Variants in SPTBN1 observed in about 807,000 individuals in gnomAD.
SPTBN1 encodes the protein spectrin beta chain, non-erythrocytic 1.
Under a neutral mutation model 266.4 loss-of-function variants are expected in SPTBN1, and 32 were observed. That is an observed-to-expected ratio of 0.12 (90% CI 0.09 to 0.16). The LOEUF is 0.16. SPTBN1 is among the 10% of genes least tolerant of loss of function. The pLI is 1.00. For synonymous variants in SPTBN1, 1,336 were observed against 1,162.2 expected (o/e 1.15, Z -3.04); for missense variants, 2,296 against 3,067.1 (o/e 0.75, Z 5.94).
chr2:54,570,526 T>G lies in SPTBN1; in HGVS notation c.149-28566T>G, dbSNP rs146264472. ...AAGGAAATTACATAGGTGGTATCTT[T>G]ATTTGGCTGAATCCCCCTCCCTCCA... On this transcript the variant is annotated intron_variant, in intron 2 of 35. Coordinates refer to ENST00000356805, the MANE Select transcript of SPTBN1 (RefSeq NM_003128.3). Among the ~76,000 whole-genome samples the G allele has an allele frequency of 2.0e-3, 305 of 152,308 alleles. 2 individuals are homozygous for G. The highest frequency in any genetic ancestry group is 6.9e-3 in the African/African-American group (286 of 41,564).
chr2:54,622,593 C>T (rs1678068734), intron 9 of SPTBN1, 106 bp downstream of exon 9: 5 of 1,307,928 alleles, frequency 3.8e-6, no homozygotes, highest in Admixed American at 4.2e-5. Context: ...AACTGAATGC[C>T]TTTCAGTAGT....
intron 17 of SPTBN1, among the ~76,000 whole-genome samples, chr2:54,634,775 A>C (rs921932797): frequency 1.3e-5 from 2 of 152,212 alleles, no homozygotes; most frequent in African/African-American, 4.8e-5. Flanking sequence ...ACGTTCAGGA[A>C]GTTTCCTGAG....
chr2:54,657,285 C>T (rs374098952), intron 29 of SPTBN1, among the ~76,000 whole-genome samples: 11 of 152,314 alleles, frequency 7.2e-5, no homozygotes, highest in South Asian at 4.1e-4. Flanking sequence ...ACACAACTAC[C>T]GCCCAAAAGA....
chr2:54,517,958 T>C (rs1377528954), intron 1 of SPTBN1, among the ~76,000 whole-genome samples: 1 of 152,074 alleles, frequency 6.6e-6, no homozygotes, highest in African/African-American at 2.4e-5. Context: ...TTTTTTTTTT[T>C]TTTAAACAGT....
intron 17 of SPTBN1, among the ~76,000 whole-genome samples, chr2:54,634,956 A>G (rs1171033283): frequency 6.6e-6 from 1 of 152,236 alleles, no homozygotes; most frequent in Non-Finnish European, 1.5e-5. Context: ...GCCACAGCAC[A>G]GTTCATGGGG....
At chr2:54,466,066 C>T (rs559144544) in intron 1 of SPTBN1, among the ~76,000 whole-genome samples, 4 of 152,264 alleles carry the variant, frequency 2.6e-5, no homozygotes, top group African/African-American at 4.8e-5. Flanking sequence ...AGGAGTCATA[C>T]GTCCATTCTT....
At chr2:54,641,622 A>G (rs1679565744) in intron 18 of SPTBN1, among the ~76,000 whole-genome samples, 1 of 152,144 alleles carries the variant, frequency 6.6e-6, no homozygotes, top group Admixed American at 6.5e-5. Context: ...TCCCTCAACA[A>G]AGAGTGAAAT....
chr2:54,666,433 T>G (rs1200890992), intron 34 of SPTBN1, among the ~76,000 whole-genome samples: 3 of 152,242 alleles, frequency 2.0e-5, no homozygotes, highest in African/African-American at 7.2e-5. Flanking sequence ...CCCCATCTTT[T>G]CAGCTTATCC....
chr2:54,582,581 G>T lies in SPTBN1; in HGVS notation c.149-16511G>T, dbSNP rs931132273. ...TCCGTCTCAAAAAAAAAAAAAAAAA[G>T]AAATATGGAGGATTCTTTCTGATGA... On this transcript the variant is annotated intron_variant, in intron 2 of 35. Transcript: ENST00000356805. 4.4e-4 allele frequency among the ~76,000 whole-genome samples: 64 copies of T among 147,068 alleles called. 1 individual carries two copies. The highest frequency in any genetic ancestry group is 1.7e-3 in the Admixed American group (26 of 14,874).
chr2:54,547,169 T>A (rs1480297315), intron 2 of SPTBN1, among the ~76,000 whole-genome samples: 1 of 152,202 alleles, frequency 6.6e-6, no homozygotes, highest in African/African-American at 2.4e-5. Flanking sequence ...TACTTTCTCT[T>A]TCCATGAGTT....
In SPTBN1 at chr2:54,465,139, T is replaced by C. The variant is rs72913026; in HGVS notation, c.-48+8621T>C. On this transcript the variant is annotated intron_variant, in intron 1 of 35. Coordinates refer to ENST00000356805, the MANE Select transcript of SPTBN1 (RefSeq NM_003128.3). The stretch of plus-strand genomic sequence containing the variant: ...CCAGCGATTGTTATATCTGTCCTTC[T>C]TTGCAGTTTTCTAAGAGCAATGATA... Among the ~76,000 whole-genome samples, 324 of 152,340 alleles carry C rather than the reference T, an allele frequency of 2.1e-3. 1 individual carries two copies. Among genetic ancestry groups the C allele is most frequent in the African/African-American group, 7.6e-3 (317 of 41,578 alleles).
At position 54,492,857 on chromosome 2, in the gene SPTBN1, C is replaced by G. The variant is rs180790505; in HGVS notation, c.-47-33515C>G. 3.3e-4 allele frequency among the ~76,000 whole-genome samples: 50 copies of G among 152,264 alleles called. 1 individual carries two copies. Among genetic ancestry groups the G allele is most frequent in the Middle Eastern group, 3.4e-3 (1 of 294 alleles). On this transcript the variant is annotated intron_variant, in intron 1 of 35. Transcript: ENST00000356805. The stretch of plus-strand genomic sequence containing the variant: ...AAAAGCTATCAGACTCTGTTTAGCT[C>G]TGTTATGCTATTACACTCAGATCCT...
At chr2:54,666,468 C>T (rs1236013153) in intron 34 of SPTBN1, among the ~76,000 whole-genome samples, 5 of 152,332 alleles carry the variant, frequency 3.3e-5, no homozygotes, top group Admixed American at 1.3e-4. Context: ...CTATTCTTTG[C>T]TCATGAATTA....
At chr2:54,637,688 A>G (rs1364752330) in intron 17 of SPTBN1, 25 bp from the exon 18 acceptor site, 2 of 1,573,024 alleles carry the variant, frequency 1.3e-6, no homozygotes, top group East Asian at 2.2e-5. Context: ...TTTTTTAAAA[A>G]TTATTTTTGT....
chr2:54,495,679 T>TTTTTTTTTTTTTTTTTTTTATTATTCTC (rs1279259203), intron 1 of SPTBN1, among the ~76,000 whole-genome samples: 1 of 142,988 alleles, frequency 7.0e-6, no homozygotes, highest in Non-Finnish European at 1.5e-5. Flanking sequence ...GCATGTGTTT[T>TTTTTTTTTTTTTTTTTTTTATTATTCTC]TACCTTTATT....
chr2:54,458,369 T>C (rs1693182083), intron 1 of SPTBN1, among the ~76,000 whole-genome samples: 1 of 152,314 alleles, frequency 6.6e-6, no homozygotes, highest in African/African-American at 2.4e-5. Flanking sequence ...TTTTTCTAAG[T>C]CAAGTACAGT....
At position 54,526,549 on chromosome 2, in the gene SPTBN1, G is replaced by A. The variant is rs1670828017; in HGVS notation, c.131G>A (p.Arg44His). 6.2e-7 allele frequency: 1 copy of A among 1,613,726 alleles called. No individual in the cohort carries two copies. The highest frequency in any genetic ancestry group is 8.5e-7 in the Non-Finnish European group (1 of 1,179,842). Reference sequence around the variant, plus strand: ...TCTGCGCGGCTTTTTGAGCGGTCCCGCATCAAGGCTCTGGCAGGTGAGTCC... The same window carrying A: ...TCTGCGCGGCTTTTTGAGCGGTCCCACATCAAGGCTCTGGCAGGTGAGTCC... ...NSSARLFERSRIKALADEREA... is the reference protein window; with the variant it reads ...NSSARLFERSHIKALADEREA... The change falls in exon 2 of 36, where the codon CGC (arginine) becomes CAC (histidine). Residue 44 changes from arginine (R) to histidine (H), a missense_variant. Arg to His is a conservative substitution (Grantham distance 29, BLOSUM62 0). Around this residue, in one of 12 missense-constraint regions of SPTBN1, gnomAD observed 178 missense variants for 375.7 expected, o/e 0.47. Coordinates refer to ENST00000356805, the MANE Select transcript of SPTBN1 (RefSeq NM_003128.3).
chr2:54,638,427 A>G (rs375314696), intron 18 of SPTBN1, among the ~76,000 whole-genome samples: 5 of 152,254 alleles, frequency 3.3e-5, no homozygotes, highest in South Asian at 2.1e-4. Flanking sequence ...ACCTTCATCT[A>G]TCCATCTTTC....
At chr2:54,468,752 A>G (rs538132668) in intron 1 of SPTBN1, among the ~76,000 whole-genome samples, 6 of 152,356 alleles carry the variant, frequency 3.9e-5, no homozygotes, top group Non-Finnish European at 8.8e-5. Context: ...CTCATTAGAT[A>G]ATGTGCTTTC....
Sources: gnomAD v4.1 joint callset for allele counts (sites outside exome capture counted in the v4.1 genomes callset) on GRCh38, gnomAD v4.1.1 for gene constraint, gnomAD v4.1.1 regional missense constraint, MANE v1.5 for transcripts, NCBI Gene and HGNC (gene_info 2026-07-23, HGNC 2026-07-21) for gene names.